The following CDH12 variants were observed in gnomAD, a reference collection of about 807,000 sequenced individuals.
The protein encoded by CDH12 is cadherin 12, also known as cadherin-12.
In CDH12, 41 loss-of-function variants were observed where a neutral mutation model predicts 74.1. The ratio of observed to expected loss-of-function variants is 0.55; its 90% CI spans 0.43 to 0.72. The LOEUF is 0.72. Ranked by LOEUF, CDH12 falls within the 30% of genes least tolerant of loss-of-function variation. CDH12 has a pLI of 0.00. For synonymous variants in CDH12, 399 were observed against 355.0 expected, an observed-to-expected ratio of 1.12 and a Z score of -1.39; for missense variants, 945 against 977.2, an observed-to-expected ratio of 0.97 and a Z score of 0.44.
intron 8 of CDH12, among the ~76,000 whole-genome samples, chr5:21,827,642 T>A (rs1487933599): frequency 6.6e-6 from 1 of 152,200 alleles, no homozygotes; most frequent in Non-Finnish European, 1.5e-5. Context: ...CATTGTAACA[T>A]TATTTTTTAA....
chr5:22,771,931 C>T (rs538610746), intron 1 of CDH12, among the ~76,000 whole-genome samples: 108 of 152,118 alleles, frequency 7.1e-4, no homozygotes, highest in African/African-American at 2.3e-3. Context: ...TAAACACACA[C>T]GCACACATAT....
At chr5:22,325,362 A>G (rs1739040968) in intron 3 of CDH12, among the ~76,000 whole-genome samples, 1 of 152,210 alleles carries the variant, frequency 6.6e-6, no homozygotes, top group Non-Finnish European at 1.5e-5. Context: ...GTCTAATCAG[A>G]TACTACTTAG....
chr5:22,117,356 A>G (rs1745177600), intron 4 of CDH12, among the ~76,000 whole-genome samples: 1 of 144,990 alleles, frequency 6.9e-6, no homozygotes, highest in South Asian at 2.1e-4. Flanking sequence ...TTATGAGAGC[A>G]TAAAATCAAG....
At chr5:22,098,672 T>C (rs368794131) in intron 4 of CDH12, among the ~76,000 whole-genome samples, 1 of 152,314 alleles carries the variant, frequency 6.6e-6, no homozygotes, top group East Asian at 1.9e-4. Context: ...ATTACAATTG[T>C]TCCTGGCCCG....
intron 3 of CDH12, among the ~76,000 whole-genome samples, chr5:22,336,519 G>C (rs1469389058): frequency 6.6e-6 from 1 of 152,202 alleles, no homozygotes; most frequent in Non-Finnish European, 1.5e-5. Flanking sequence ...TGCAATTTAG[G>C]GACTTGGTGC....
intron 1 of CDH12, among the ~76,000 whole-genome samples, chr5:22,652,134 C>G (rs1460135179): frequency 1.3e-5 from 2 of 152,046 alleles, no homozygotes; most frequent in African/African-American, 4.8e-5. Context: ...ATTATGAAGA[C>G]AGGCTATAAC....
chr5:22,132,561 T>A (rs186574112), intron 4 of CDH12, among the ~76,000 whole-genome samples: 56 of 151,390 alleles, frequency 3.7e-4, no homozygotes, highest in African/African-American at 1.3e-3. Context: ...ACAAACTCCT[T>A]AAGAACAACA....
chr5:22,203,160 A>G (rs1035575057), intron 4 of CDH12, among the ~76,000 whole-genome samples: 1 of 152,176 alleles, frequency 6.6e-6, no homozygotes, highest in Non-Finnish European at 1.5e-5. Flanking sequence ...TATATTAACT[A>G]TAGTCACCAT....
intron 7 of CDH12, among the ~76,000 whole-genome samples, chr5:21,848,956 A>G (rs1215578624): frequency 2.6e-5 from 4 of 151,936 alleles, no homozygotes; most frequent in African/African-American, 9.7e-5. Context: ...AGGACCTGTC[A>G]GGTCGTATGT....
chr5:22,390,575 GAGATAGATAGAT>G lies in CDH12; in HGVS notation c.-333+14670_-333+14681del, dbSNP rs5866562. ...AGCCTTGATTACATGGATGGATGGA[GAGATAGATAGAT>G]AGATAGATAGATAGATAGATAGATA... On this transcript the variant is annotated intron_variant, in intron 3 of 14. Coordinates refer to ENST00000382254, the MANE Select transcript of CDH12 (RefSeq NM_004061.5). Among the ~76,000 whole-genome samples, 925 of 148,262 alleles carry G rather than the reference GAGATAGATAGAT, an allele frequency of 6.2e-3. 6 individuals are homozygous for G. The highest frequency in any genetic ancestry group is 0.028 in the South Asian group (130 of 4,614).
chr5:22,098,309 A>C (rs753674145), intron 4 of CDH12, among the ~76,000 whole-genome samples: 59 of 151,764 alleles, frequency 3.9e-4, no homozygotes, highest in Non-Finnish European at 6.0e-4. Flanking sequence ...CTCCATGCTG[A>C]TCGTGTCCAG....
chr5:22,334,654 A>G (rs1739498220), intron 3 of CDH12, among the ~76,000 whole-genome samples: 1 of 152,200 alleles, frequency 6.6e-6, no homozygotes, highest in South Asian at 2.1e-4. Flanking sequence ...AACCAGACAC[A>G]TAGACTAGAG....
intron 1 of CDH12, among the ~76,000 whole-genome samples, chr5:22,788,724 GTA>G (rs1747767842): frequency 6.7e-6 from 1 of 148,786 alleles, no homozygotes. Context: ...TTTTATATAT[GTA>G]TAGTTATGTA....
At chr5:22,524,148 A>G (rs1030298814) in intron 1 of CDH12, among the ~76,000 whole-genome samples, 1 of 151,794 alleles carries the variant, frequency 6.6e-6, no homozygotes, top group Non-Finnish European at 1.5e-5. Context: ...ATATCTGGCT[A>G]ATTTTTTGTA....
At chr5:22,737,984 T>C (rs938019302) in intron 1 of CDH12, among the ~76,000 whole-genome samples, 1 of 152,014 alleles carries the variant, frequency 6.6e-6, no homozygotes, top group Non-Finnish European at 1.5e-5. Flanking sequence ...TCGTTAGTTA[T>C]GATTATCTGG....
chr5:22,147,930 G>C (rs1347486588), intron 4 of CDH12, among the ~76,000 whole-genome samples: 3 of 152,158 alleles, frequency 2.0e-5, no homozygotes, highest in African/African-American at 7.2e-5. Flanking sequence ...TCTGGTAGTG[G>C]TCAGTACATC....
intron 4 of CDH12, among the ~76,000 whole-genome samples, chr5:22,110,347 A>G (rs1744732720): frequency 6.6e-6 from 1 of 152,116 alleles, no homozygotes; most frequent in South Asian, 2.1e-4. Context: ...AGACAATGGC[A>G]TGACAGAAAA....
At chr5:22,600,559 T>A (rs1048703914) in intron 1 of CDH12, among the ~76,000 whole-genome samples, 1 of 152,110 alleles carries the variant, frequency 6.6e-6, no homozygotes, top group Non-Finnish European at 1.5e-5. Context: ...TGCATAGAGT[T>A]GTTATTTATT....
chr5:22,076,294 G>C (rs572979769), intron 5 of CDH12, among the ~76,000 whole-genome samples: 1 of 152,182 alleles, frequency 6.6e-6, no homozygotes, highest in South Asian at 2.1e-4. Flanking sequence ...TTATAAAGTG[G>C]AATTTCAGAG....
Sources: gnomAD v4.1 joint callset for allele counts (sites outside exome capture counted in the v4.1 genomes callset) on GRCh38, gnomAD v4.1.1 for gene constraint, MANE v1.5 for transcripts, NCBI Gene and HGNC (gene_info 2026-07-23, HGNC 2026-07-21) for gene names.